Variants in RARB observed in about 807,000 individuals in gnomAD.
The protein encoded by RARB is HBV-activated protein.
RARB carries 17 observed loss-of-function variants against 51.9 expected under a neutral mutation model. The ratio of observed to expected loss-of-function variants is 0.33; its 90% confidence interval spans 0.22 to 0.49. The LOEUF (loss-of-function observed/expected upper bound fraction) is 0.49, where lower values mean the gene tolerates loss of function less well. Ranked by LOEUF, RARB falls within the 20% of genes least tolerant of loss-of-function variation. The pLI, the probability that RARB is intolerant of heterozygous loss-of-function variation, is 0.99. For synonymous variants in RARB, 215 were observed against 195.4 expected (o/e 1.10, Z -0.84); for missense variants, 369 against 550.8 (o/e 0.67, Z 3.30).
At chr3:25,025,823 T>C (rs1697735580) in intron 2 of RARB, among the ~76,000 whole-genome samples, 1 of 152,088 alleles carries the variant, frequency 6.6e-6, no homozygotes. Flanking sequence ...CCCATATAAA[T>C]CCCATTAAGT....
At chr3:25,159,025 GA>G (rs1187966460) in intron 4 of RARB, among the ~76,000 whole-genome samples, 2 of 151,816 alleles carry the variant, frequency 1.3e-5, no homozygotes, top group East Asian at 3.9e-4. Flanking sequence ...AGATGCAGAA[GA>G]AGTTGGGAAA....
chr3:25,025,014 A>G (rs889375193), intron 2 of RARB: 2 of 151,920 alleles, frequency 1.3e-5, no homozygotes, highest in Non-Finnish European at 2.9e-5. Context: ...AAATATGGCC[A>G]TACCACCCTG....
At chr3:25,034,394 G>C (rs1281633716) in intron 2 of RARB, among the ~76,000 whole-genome samples, 2 of 152,182 alleles carry the variant, frequency 1.3e-5, no homozygotes, top group South Asian at 2.1e-4. Flanking sequence ...CTTAAAGGAT[G>C]TTTCTCCATT....
chr3:25,554,419 A>G (rs530673154), intron 3 of RARB, among the ~76,000 whole-genome samples: 1 of 152,154 alleles, frequency 6.6e-6, no homozygotes, highest in African/African-American at 2.4e-5. Flanking sequence ...ATTTTGGTAA[A>G]GAAAGTTTTA....
intron 5 of RARB, among the ~76,000 whole-genome samples, chr3:25,196,607 A>G (rs540947592): frequency 5.3e-5 from 8 of 152,238 alleles, no homozygotes; most frequent in Non-Finnish European, 7.4e-5. Context: ...GGCTGGGTCA[A>G]ATGGTATTAC....
At chr3:25,045,567 C>T (rs944457506) in intron 2 of RARB, among the ~76,000 whole-genome samples, 3 of 152,194 alleles carry the variant, frequency 2.0e-5, no homozygotes, top group African/African-American at 2.4e-5. Flanking sequence ...AGTGTTGCTA[C>T]TTCTACTACA....
intron 2 of RARB, among the ~76,000 whole-genome samples, chr3:24,970,574 AACACACACACAC>A (rs60292267): frequency 6.7e-5 from 10 of 148,878 alleles, no homozygotes; most frequent in Admixed American, 1.3e-4. Context: ...AAGTCATGTA[AACACACACACAC>A]ACACACACAC....
At chr3:25,562,140 C>T (rs1700295135) in intron 3 of RARB, among the ~76,000 whole-genome samples, 1 of 152,222 alleles carries the variant, frequency 6.6e-6, no homozygotes, top group East Asian at 1.9e-4. Flanking sequence ...TTCAGATACA[C>T]GAGGGCAGCT....
intron 5 of RARB, among the ~76,000 whole-genome samples, chr3:25,355,418 AT>A (rs924923286): frequency 2.0e-5 from 3 of 152,034 alleles, no homozygotes; most frequent in African/African-American, 7.2e-5. Context: ...GAATCCTTGT[AT>A]TTTAACCCCT....
chr3:25,453,728 C>G (rs147469059), intron 1 of RARB, among the ~76,000 whole-genome samples: 1 of 152,234 alleles, frequency 6.6e-6, no homozygotes, highest in East Asian at 1.9e-4. Context: ...TCTCACAACC[C>G]AGCTCCAGCC....
intron 3 of RARB, among the ~76,000 whole-genome samples, chr3:25,075,153 C>G (rs1469665363): frequency 6.6e-6 from 1 of 152,130 alleles, no homozygotes; most frequent in Non-Finnish European, 1.5e-5. Flanking sequence ...TGGGGGTCTT[C>G]CAGTAATTTA....
chr3:25,020,167 G>C (rs946454790), intron 2 of RARB: 2 of 148,154 alleles, frequency 1.3e-5, no homozygotes, highest in African/African-American at 5.0e-5. Context: ...TTATTTGAGA[G>C]AGGTGGGTTC....
At chr3:24,955,201 G>GA (rs1695983881) in intron 2 of RARB, among the ~76,000 whole-genome samples, 1 of 152,328 alleles carries the variant, frequency 6.6e-6, no homozygotes, top group South Asian at 2.1e-4. Context: ...GATGGTGTAA[G>GA]AAGAAGGTAA....
chr3:25,242,894 T>A (rs561304743), intron 5 of RARB, among the ~76,000 whole-genome samples: 1 of 152,340 alleles, frequency 6.6e-6, no homozygotes, highest in Non-Finnish European at 1.5e-5. Flanking sequence ...TCAATTACTT[T>A]GGGCAGTATG....
rs56255512 is a variant in RARB, at chr3:25,569,981, GACACACACACACACACAC to G, written c.609+86_609+103del. On this transcript the variant is annotated intron_variant, in intron 4 of 7. Coordinates refer to ENST00000330688, the MANE Select transcript of RARB (RefSeq NM_000965.5). ...GAAACCTTGTACGTGCATGTGTGCA[GACACACACACACACACAC>G]ACACACACACACACACACACACTTT... is the stretch of plus-strand genomic sequence containing the variant. The G allele has an allele frequency of 1.3e-3, 1,384 of 1,069,506 alleles. 9 individuals carry two copies. In the African/African-American group the frequency reaches 0.018, roughly 14 times the overall value. The allele number at this position is 1,069,506 out of a possible 1,614,324, so 66.3% of individuals were successfully genotyped here.
rs143270747 is a variant in RARB, at chr3:25,199,634, C to T, written c.178+25059C>T. Among the ~76,000 whole-genome samples the T allele has an allele frequency of 3.9e-3, 595 of 152,138 alleles. 10 individuals are homozygous for T. The highest frequency in any genetic ancestry group is 0.03 in the East Asian group (153 of 5,156). On this transcript the variant is annotated intron_variant, in intron 5 of 11. Coordinates refer to the RARB transcript ENST00000383772. ...CAACAGGCACTGGTGTGTGATGTTC[C>T]CCTTCCTGTGTCCATGTGTTCTCAT...
chr3:25,338,240 G>C (rs1199406237), intron 5 of RARB, among the ~76,000 whole-genome samples: 1 of 152,032 alleles, frequency 6.6e-6, no homozygotes, highest in Non-Finnish European at 1.5e-5. Context: ...TTGCATTTCA[G>C]CCTCTTTTGC....
intron 2 of RARB, among the ~76,000 whole-genome samples, chr3:24,899,680 G>A (rs1348743712): frequency 1.3e-5 from 2 of 152,058 alleles, no homozygotes; most frequent in Non-Finnish European, 2.9e-5. Context: ...AAAAAAAATT[G>A]CAGATGAGCC....
chr3:25,055,637 A>T (rs1400856289), intron 2 of RARB, among the ~76,000 whole-genome samples: 1 of 152,076 alleles, frequency 6.6e-6, no homozygotes, highest in Non-Finnish European at 1.5e-5. Context: ...GGGAAAAGTT[A>T]TTAGGAGGAA....
Sources: gnomAD v4.1 joint callset for allele counts (sites outside exome capture counted in the v4.1 genomes callset) on GRCh38, gnomAD v4.1.1 for gene constraint, MANE v1.5 for transcripts, NCBI Gene and HGNC (gene_info 2026-07-23, HGNC 2026-07-21) for gene names.